The following DNAH12 variants were observed in gnomAD, a reference collection of about 807,000 sequenced individuals.
DNAH12 encodes the protein dynein axonemal heavy chain 12, also known as axonemal beta dynein heavy chain 12.
Under a neutral mutation model 371.5 loss-of-function variants are expected in DNAH12, and 285 were observed. The ratio of observed to expected loss-of-function variants is 0.77; its 90% CI spans 0.70 to 0.85. The LOEUF (loss-of-function observed/expected upper bound fraction) is 0.85. Among genes scored for constraint, DNAH12 ranks in the 40% least tolerant of loss-of-function variants. DNAH12 has a pLI of 0.00. For synonymous variants in DNAH12, 1,200 were observed against 1,213.0 expected (o/e 0.99, Z 0.22); for missense variants, 3,611 against 3,689.4 (o/e 0.98, Z 0.55).
At chr3:57,432,460 G>A (rs1036974737) in intron 32 of DNAH12, among the ~76,000 whole-genome samples, 2 of 151,778 alleles carry the variant, frequency 1.3e-5, no homozygotes, top group South Asian at 2.1e-4. Context: ...GATAACAGGC[G>A]TGAGCCACCG....
Position 57,448,721 on chromosome 3 carries a change from G to C in DNAH12, c.3787-2032C>G, listed in dbSNP as rs2065632280. On this transcript the variant is annotated intron_variant, in intron 25 of 73. Transcript: ENST00000495027. ...GGCCTGTTTTAACAGGGTGCTGATT[G>C]GTGCATTTACAATCCCTGAGCTAGA... Among the ~76,000 whole-genome samples, 3 of 150,340 alleles carry C rather than the reference G, an allele frequency of 2.0e-5. No individual in the cohort carries two copies. The South Asian group carries it at 6.5e-4, about 33-fold the overall frequency.
intron 39 of DNAH12, among the ~76,000 whole-genome samples, chr3:57,409,662 A>C (rs1282774487): frequency 6.6e-6 from 1 of 152,116 alleles, no homozygotes; most frequent in Non-Finnish European, 1.5e-5. Context: ...TATCTCCTGA[A>C]AGCAGAATTC....
intron 55 of DNAH12, among the ~76,000 whole-genome samples, chr3:57,370,176 T>C (rs1265403885): frequency 2.6e-5 from 4 of 151,828 alleles, no homozygotes; most frequent in African/African-American, 9.7e-5. Flanking sequence ...GTATAAACAC[T>C]AAAAAAGGAA....
intron 38 of DNAH12, 92 bp downstream of exon 38, chr3:57,415,334 A>G (rs1357331001): frequency 2.8e-6 from 4 of 1,440,216 alleles, no homozygotes; most frequent in East Asian, 2.6e-5. Flanking sequence ...TCATAGATTT[A>G]CACAGTTGCT....
chr3:57,466,595 G>T (rs1370046391), intron 17 of DNAH12, among the ~76,000 whole-genome samples: 1 of 152,124 alleles, frequency 6.6e-6, no homozygotes, highest in Non-Finnish European at 1.5e-5. Context: ...GAGGACCGAG[G>T]CACAAGTGGC....
At chr3:57,472,758 C>T (rs2066404083) in intron 13 of DNAH12, 87 bp from the exon 14 acceptor site, 2 of 1,351,592 alleles carry the variant, frequency 1.5e-6, no homozygotes, top group Admixed American at 2.6e-5. Flanking sequence ...ATCTCTAATA[C>T]CCTTTCAGAT....
chr3:57,398,238 G>C (rs2063784878), intron 43 of DNAH12, among the ~76,000 whole-genome samples: 1 of 152,096 alleles, frequency 6.6e-6, no homozygotes, highest in East Asian at 1.9e-4. Flanking sequence ...GGTTAATGGA[G>C]CAAAAACAAA....
chr3:57,325,541 A>G (rs1213663714), intron 62 of DNAH12, among the ~76,000 whole-genome samples: 1 of 152,234 alleles, frequency 6.6e-6, no homozygotes, highest in Non-Finnish European at 1.5e-5. Context: ...ACTAAAACAG[A>G]AAGGACATCC....
intron 52 of DNAH12, among the ~76,000 whole-genome samples, chr3:57,378,352 G>A (rs2063323498): frequency 6.6e-6 from 1 of 151,936 alleles, no homozygotes; most frequent in African/African-American, 2.4e-5. Context: ...TTAATGGAAA[G>A]ACATCCTAGA....
intron 41 of DNAH12, 83 bp from the exon 42 acceptor site, chr3:57,405,230 G>A (rs1010155497): frequency 8.1e-7 from 1 of 1,232,810 alleles, no homozygotes; most frequent in Non-Finnish European, 1.1e-6. Context: ...TTTCATCCAT[G>A]TTATAAAGTA....
chr3:57,404,912 T>C, intron 42 of DNAH12, 57 bp downstream of exon 42: 1 of 1,398,454 alleles, frequency 7.2e-7, no homozygotes, highest in Non-Finnish European at 9.3e-7. Flanking sequence ...ATTTCAAACA[T>C]TTCATAATAA....
At chr3:57,378,849 T>C (rs1170629605) in intron 52 of DNAH12, among the ~76,000 whole-genome samples, 1 of 152,218 alleles carries the variant, frequency 6.6e-6, no homozygotes, top group Admixed American at 6.5e-5. Flanking sequence ...GATTTTTCTT[T>C]GCTTCTGCCT....
At chr3:57,498,222 TAAGCCCA>T (rs2067383426) in intron 11 of DNAH12, 2 of 368,960 alleles carry the variant, frequency 5.4e-6, no homozygotes, top group Non-Finnish European at 9.7e-6. Flanking sequence ...AAAAGACTGA[TAAGCCCA>T]AAGGTTGAAA....
intron 45 of DNAH12, among the ~76,000 whole-genome samples, chr3:57,389,381 CA>C (rs1159244837): frequency 6.6e-6 from 1 of 151,696 alleles, no homozygotes; most frequent in East Asian, 1.9e-4. Context: ...ACTGTATCTT[CA>C]AAAAAAAGAA....
Position 57,445,245 on chromosome 3 carries a change from C to T in DNAH12, c.4354G>A (p.Ala1452Thr), listed in dbSNP as rs2065446944. The T allele has an allele frequency of 6.4e-7, 1 of 1,551,216 alleles. No individual in the cohort carries two copies. The highest frequency in any genetic ancestry group is 8.7e-7 in the Non-Finnish European group (1 of 1,146,728). ...SQFHYDYGMR[A>T]VKAVLVAAGN... ...GCAGCCACTAAAACGGCTTTTACTGCTCGCATTCCATAGTCGTAATGAAAT... is the reference window on the plus strand; with the variant it reads ...GCAGCCACTAAAACGGCTTTTACTGTTCGCATTCCATAGTCGTAATGAAAT... Residue 1452 changes from alanine to threonine, a missense_variant, in exon 28 of 74, where the codon GCA becomes ACA. By Grantham distance (58) the Ala-to-Thr change is moderately conservative. Coordinates refer to ENST00000495027, the MANE Select transcript of DNAH12 (RefSeq NM_001366028.2).
Position 57,452,964 on chromosome 3 carries a change from CAAT to C in DNAH12, c.3662_3664del (p.Tyr1221del). On this transcript the variant is annotated inframe_deletion, in exon 25 of 74. Coordinates refer to ENST00000495027, the MANE Select transcript of DNAH12 (RefSeq NM_001366028.2). ...ACGAACTCGGGCATTCTCATTTTCC[CAAT>C]AATATCGGAGCTGAGCAAGCCACAG... 1 of 1,549,136 alleles carries C rather than the reference CAAT, an allele frequency of 6.5e-7. No individual in the cohort carries two copies. The highest frequency in any genetic ancestry group is 8.7e-7 in the Non-Finnish European group (1 of 1,146,728).
At position 57,302,529 on chromosome 3, in the gene DNAH12, G is replaced by GTTTTTATATATATA. The variant is rs879293648; in HGVS notation, c.11190-591_11190-590insTATATATATAAAAA. 1.1e-3 allele frequency among the ~76,000 whole-genome samples: 52 copies of GTTTTTATATATATA among 47,850 alleles called. 1 individual carries two copies. The highest frequency in any genetic ancestry group is 2.4e-3 in the South Asian group (2 of 820). 31.4% of individuals were successfully genotyped at this position (47,850 alleles called of 152,430 possible). ...TGCTGAATTAACTAAGGCATCAGGT[G>GTTTTTATATATATA]TATATATATATATATATATATATAT... On this transcript the variant is annotated intron_variant, in intron 69 of 73. Coordinates refer to ENST00000495027, the MANE Select transcript of DNAH12 (RefSeq NM_001366028.2).
At chr3:57,519,925 A>G in intron 4 of DNAH12, 1 of 935,910 alleles carries the variant, frequency 1.1e-6, no homozygotes, top group Non-Finnish European at 1.8e-6. Context: ...GAGCTAGAAC[A>G]TCTTGTCGCC....
intron 39 of DNAH12, among the ~76,000 whole-genome samples, chr3:57,409,287 G>T (rs1420357589): frequency 6.6e-6 from 1 of 152,146 alleles, no homozygotes; most frequent in Admixed American, 6.6e-5. Flanking sequence ...GGCTGGGGTA[G>T]GAGTCTATCT....
Sources: gnomAD v4.1 joint callset for allele counts (sites outside exome capture counted in the v4.1 genomes callset) on GRCh38, gnomAD v4.1.1 for gene constraint, MANE v1.5 for transcripts, NCBI Gene and HGNC (gene_info 2026-07-23, HGNC 2026-07-21) for gene names.